Variants in CMSS1 observed in about 807,000 individuals in gnomAD.
CMSS1 encodes protein CMSS1.
Under a neutral mutation model 43.5 loss-of-function variants are expected in CMSS1, and 33 were observed. The observed-to-expected ratio is 0.76, with a 90% CI of 0.57 to 1.01. The LOEUF (loss-of-function observed/expected upper bound fraction) is 1.01. CMSS1 is among the 50% of genes least tolerant of loss of function. The probability of loss-of-function intolerance (pLI) is 0.00; values close to 1 mark genes in which losing one functional copy is unlikely to be tolerated. For synonymous variants in CMSS1, 115 were observed against 117.2 expected (o/e 0.98, Z 0.12); for missense variants, 313 against 326.4 (o/e 0.96, Z 0.32).
intron 1 of CMSS1, among the ~76,000 whole-genome samples, chr3:99,897,625 G>T (rs879373103): frequency 1.3e-5 from 2 of 152,160 alleles, no homozygotes; most frequent in Non-Finnish European, 2.9e-5. Context: ...TCGTGTATTT[G>T]AGGAGAAATC....
chr3:100,110,861 A>G (rs1347635937), intron 1 of CMSS1, among the ~76,000 whole-genome samples: 2 of 152,140 alleles, frequency 1.3e-5, no homozygotes, highest in African/African-American at 4.8e-5. Context: ...GTCTGATCTG[A>G]TGTGACAATG....
intron 1 of CMSS1, among the ~76,000 whole-genome samples, chr3:100,035,162 T>C (rs1328438220): frequency 1.6e-4 from 24 of 152,242 alleles, no homozygotes; most frequent in Admixed American, 1.6e-3. Flanking sequence ...TATTAGCAAT[T>C]TGATGATGAA....
chr3:100,105,906 GCTTT>G (rs1224504812), intron 1 of CMSS1, among the ~76,000 whole-genome samples: 1 of 152,068 alleles, frequency 6.6e-6, no homozygotes, highest in Non-Finnish European at 1.5e-5. Flanking sequence ...TAATCAATGA[GCTTT>G]CTTTTCTCAC....
chr3:100,064,760 C>T (rs1324842029), intron 1 of CMSS1, among the ~76,000 whole-genome samples: 1 of 152,154 alleles, frequency 6.6e-6, no homozygotes, highest in African/African-American at 2.4e-5. Context: ...TAATAAGTTC[C>T]GTGTTGCTGT....
At chr3:99,840,746 T>C (rs1198998483) in intron 1 of CMSS1, among the ~76,000 whole-genome samples, 1 of 152,232 alleles carries the variant, frequency 6.6e-6, no homozygotes, top group African/African-American at 2.4e-5. Context: ...ATCTTAAAGA[T>C]CACCAAGTTC....
chr3:99,998,539 A>G (rs1182630702), intron 1 of CMSS1, among the ~76,000 whole-genome samples: 1 of 152,146 alleles, frequency 6.6e-6, no homozygotes, highest in Non-Finnish European at 1.5e-5. Flanking sequence ...TTTGCAGGAG[A>G]AAAATGCAGG....
intron 1 of CMSS1, among the ~76,000 whole-genome samples, chr3:100,015,045 A>G (rs141597343): frequency 1.7e-4 from 25 of 151,060 alleles, no homozygotes; most frequent in African/African-American, 5.1e-4. Flanking sequence ...TTAAGGCTTT[A>G]ATCTATCTTG....
At chr3:99,968,515 G>A (rs902831334) in intron 1 of CMSS1, among the ~76,000 whole-genome samples, 1 of 152,086 alleles carries the variant, frequency 6.6e-6, no homozygotes. Flanking sequence ...AAGGTGATGG[G>A]AGGTAATCTG....
At chr3:99,982,091 G>A (rs1709141344) in intron 1 of CMSS1, among the ~76,000 whole-genome samples, 1 of 152,050 alleles carries the variant, frequency 6.6e-6, no homozygotes, top group African/African-American at 2.4e-5. Context: ...TGTGACGGTT[G>A]TTAGTCTTGG....
At chr3:99,822,452 C>T (rs1186846289) in intron 1 of CMSS1, among the ~76,000 whole-genome samples, 1 of 152,132 alleles carries the variant, frequency 6.6e-6, no homozygotes, top group African/African-American at 2.4e-5. Context: ...AGCTTGCGGC[C>T]AGGCGCAGTG....
At chr3:100,121,705 G>A (rs1336871441) in intron 1 of CMSS1, among the ~76,000 whole-genome samples, 1 of 152,016 alleles carries the variant, frequency 6.6e-6, no homozygotes, top group Non-Finnish European at 1.5e-5. Context: ...TTGAGGAATC[G>A]CCACACTGTC....
chr3:100,067,690 AATG>A (rs912805574), intron 1 of CMSS1, among the ~76,000 whole-genome samples: 3 of 152,192 alleles, frequency 2.0e-5, no homozygotes, highest in Non-Finnish European at 4.4e-5. Context: ...TAAACTGATT[AATG>A]ATTAACTAGT....
intron 1 of CMSS1, among the ~76,000 whole-genome samples, chr3:99,875,696 C>G (rs187374220): frequency 2.0e-5 from 3 of 152,230 alleles, no homozygotes; most frequent in African/African-American, 7.2e-5. Context: ...GTAAGACAAG[C>G]GAGTTTGAGT....
chr3:100,059,685 T>G (rs1054605067), intron 1 of CMSS1, among the ~76,000 whole-genome samples: 3 of 152,222 alleles, frequency 2.0e-5, no homozygotes, highest in Non-Finnish European at 4.4e-5. Flanking sequence ...GGACCCATCA[T>G]GCCTGAAGAA....
intron 1 of CMSS1, among the ~76,000 whole-genome samples, chr3:99,915,630 T>TA (rs938791437): frequency 4.1e-4 from 60 of 146,526 alleles, no homozygotes; most frequent in Non-Finnish European, 5.7e-4. Flanking sequence ...CTTAATGGTT[T>TA]AAAAAAAAAA....
chr3:100,036,295 C>A (rs1336477467), intron 1 of CMSS1, among the ~76,000 whole-genome samples: 2 of 152,102 alleles, frequency 1.3e-5, no homozygotes, highest in Admixed American at 1.3e-4. Context: ...AAGTAGCTGA[C>A]TGCAGGGCTG....
intron 1 of CMSS1, among the ~76,000 whole-genome samples, chr3:100,110,495 A>G (rs2066472909): frequency 6.6e-6 from 1 of 152,188 alleles, no homozygotes; most frequent in Non-Finnish European, 1.5e-5. Context: ...ATTTCAAGCC[A>G]CAAATAGAGA....
intron 1 of CMSS1, among the ~76,000 whole-genome samples, chr3:99,853,619 G>A (rs187648104): frequency 1.4e-4 from 22 of 152,300 alleles, no homozygotes; most frequent in African/African-American, 4.8e-4. Context: ...GGCATGTTGC[G>A]TATTTTTCAG....
At chr3:99,975,049 G>C (rs532144689) in intron 1 of CMSS1, among the ~76,000 whole-genome samples, 111 of 152,272 alleles carry the variant, frequency 7.3e-4, no homozygotes, top group South Asian at 4.2e-3. Flanking sequence ...AACTCTGAGT[G>C]ACTGCTAATG....
Sources: gnomAD v4.1 joint callset for allele counts (sites outside exome capture counted in the v4.1 genomes callset) on GRCh38, gnomAD v4.1.1 for gene constraint, MANE v1.5 for transcripts, NCBI Gene and HGNC (gene_info 2026-07-23, HGNC 2026-07-21) for gene names.